The following UBE2G1 variants were observed in gnomAD, a reference collection of about 807,000 sequenced individuals.
UBE2G1 encodes the protein ubiquitin-conjugating enzyme E2 G1.
A neutral mutation model predicts 22.7 loss-of-function variants in UBE2G1; 5 were observed. The ratio of observed to expected loss-of-function variants is 0.22; its 90% confidence interval spans 0.12 to 0.46. UBE2G1 has a LOEUF of 0.46. Among genes scored for constraint, UBE2G1 ranks in the 20% least tolerant of loss-of-function variants. The probability of loss-of-function intolerance (pLI) is 0.99; values close to 1 mark genes in which losing one functional copy is unlikely to be tolerated. For synonymous variants in UBE2G1, 74 were observed against 67.5 expected (o/e 1.10, Z -0.47); for missense variants, 88 against 203.9 (o/e 0.43, Z 3.46).
chr17:4,336,723 C>T (rs1406324004), intron 1 of UBE2G1, among the ~76,000 whole-genome samples: 1 of 152,056 alleles, frequency 6.6e-6, no homozygotes, highest in Non-Finnish European at 1.5e-5. Flanking sequence ...GGGGAGGTTT[C>T]ATCATTTTGG....
In UBE2G1 at chr17:4,272,348, T is replaced by C. The variant is rs568248586; in HGVS notation, c.*206A>G. On this transcript the variant is annotated 3_prime_UTR_variant, in exon 6 of 6. Transcript: ENST00000396981. ...TAAAACAGTTCATTAGAATTCAAAA[T>C]GCGTAATCATCTGTAAGTTGGCACT... The C allele has an allele frequency of 3.3e-5, 6 of 181,680 alleles. No homozygotes were observed. Among genetic ancestry groups the C allele is most frequent in the Middle Eastern group, 3.2e-3 (1 of 316 alleles). The allele number at this position is 181,680 out of a possible 1,614,324, so 11.3% of individuals were successfully genotyped here. A position where few individuals can be genotyped will look rare whatever the true frequency, so the allele number is the denominator to read the frequency against.
rs1192120004 is a variant in UBE2G1, at chr17:4,341,968, G to T, written c.46+24303C>A. On this transcript the variant is annotated intron_variant, in intron 1 of 5. Transcript: ENST00000396981. Reference sequence around the variant, plus strand: ...ACTTATCTGGCTTCTTAATGCCAGTGTGTCCCAAGACTTAGTCCTCAATCT... The same window carrying T: ...ACTTATCTGGCTTCTTAATGCCAGTTTGTCCCAAGACTTAGTCCTCAATCT... Among the ~76,000 whole-genome samples, 4 of 152,182 alleles carry T rather than the reference G, an allele frequency of 2.6e-5. No individual in the cohort carries two copies. The East Asian group carries it at 7.7e-4, about 29-fold the overall frequency.
At chr17:4,325,904 G>A (rs1969499954) in intron 1 of UBE2G1, among the ~76,000 whole-genome samples, 1 of 152,094 alleles carries the variant, frequency 6.6e-6, no homozygotes, top group South Asian at 2.1e-4. Context: ...TAGGGAAACT[G>A]GGTATCCATA....
chr17:4,305,100 A>T (rs2143728255), intron 2 of UBE2G1, among the ~76,000 whole-genome samples: 1 of 151,528 alleles, frequency 6.6e-6, no homozygotes, highest in African/African-American at 2.4e-5. Flanking sequence ...TTACAGGCAT[A>T]TGCCACCTCA....
chr17:4,305,613 C>G (rs146794465), intron 2 of UBE2G1, among the ~76,000 whole-genome samples: 1,787 of 152,334 alleles, frequency 0.012, 37 homozygotes, highest in African/African-American at 0.041. Flanking sequence ...GTAATTTTGG[C>G]TCACTGCAAC....
At chr17:4,298,900 G>GC (rs1199789867) in intron 2 of UBE2G1, among the ~76,000 whole-genome samples, 2 of 152,166 alleles carry the variant, frequency 1.3e-5, no homozygotes, top group African/African-American at 2.4e-5. Context: ...AAGCATGAGG[G>GC]CTTGAGGGAA....
At chr17:4,336,957 T>A (rs1336287934) in intron 1 of UBE2G1, among the ~76,000 whole-genome samples, 1 of 152,068 alleles carries the variant, frequency 6.6e-6, no homozygotes, top group Non-Finnish European at 1.5e-5. Flanking sequence ...ACCTCAAAAA[T>A]TTCAGGAAAG....
chr17:4,356,112 T>C (rs1969903554), intron 1 of UBE2G1, among the ~76,000 whole-genome samples: 1 of 146,594 alleles, frequency 6.8e-6, no homozygotes, highest in South Asian at 2.2e-4. Context: ...TCCCAGCACT[T>C]TGGGAGGCTG....
intron 1 of UBE2G1, among the ~76,000 whole-genome samples, chr17:4,358,881 GC>G (rs940093944): frequency 6.6e-6 from 1 of 152,082 alleles, no homozygotes; most frequent in Non-Finnish European, 1.5e-5. Context: ...AACCCAGGTG[GC>G]AAGAAGTTGC....
chr17:4,330,370 G>A (rs1969558613), intron 1 of UBE2G1, among the ~76,000 whole-genome samples: 6 of 152,062 alleles, frequency 3.9e-5, no homozygotes, highest in Admixed American at 2.0e-4. Context: ...TTTGATTTTA[G>A]GAATGGGAAA....
At chr17:4,274,457 A>G (rs1276938682) in intron 5 of UBE2G1, among the ~76,000 whole-genome samples, 1 of 152,004 alleles carries the variant, frequency 6.6e-6, no homozygotes, top group Admixed American at 6.5e-5. Flanking sequence ...TCGGCCTCCC[A>G]AAGTGCTGGG....
chr17:4,339,459 C>A (rs1969686360), intron 1 of UBE2G1, among the ~76,000 whole-genome samples: 1 of 152,122 alleles, frequency 6.6e-6, no homozygotes, highest in Non-Finnish European at 1.5e-5. Context: ...CACCCACGAC[C>A]ACGATCGGCT....
At chr17:4,297,222 C>T (rs1276271629) in intron 2 of UBE2G1, among the ~76,000 whole-genome samples, 4 of 152,192 alleles carry the variant, frequency 2.6e-5, no homozygotes, top group Non-Finnish European at 5.9e-5. Context: ...AACCCTTTCT[C>T]ATCTCAAAAC....
In UBE2G1 at chr17:4,296,760, T is replaced by C; in HGVS notation, c.204A>G (p.Arg68=). 4 of 1,613,820 alleles carry C rather than the reference T, an allele frequency of 2.5e-6. No homozygotes were observed. The highest frequency in any genetic ancestry group is 3.4e-6 in the Non-Finnish European group (4 of 1,179,926). Residue 68 remains arginine (R), a synonymous_variant, in exon 3 of 6, where the codon CGA becomes CGG. Transcript: ENST00000396981. ...CTGTAATGAATTTCATTTTAGGAGG[T>C]CGGAGGGGATAATCTTTTGGGAAAG... ...HLTFPKDYPL[R]PPKMKFITEI...
At chr17:4,357,416 T>A (rs148994862) in intron 1 of UBE2G1, among the ~76,000 whole-genome samples, 2 of 148,384 alleles carry the variant, frequency 1.3e-5, no homozygotes, top group African/African-American at 5.0e-5. Flanking sequence ...GTTTCAGGCA[T>A]CCCCTGGAGG....
chr17:4,301,372 G>T, intron 2 of UBE2G1: 1 of 541,316 alleles, frequency 1.8e-6, no homozygotes, highest in Admixed American at 2.5e-5. Flanking sequence ...GAGAAAGCAT[G>T]GGTGCTGCTG....
chr17:4,361,940 C>T (rs7211833), intron 1 of UBE2G1, among the ~76,000 whole-genome samples: 51,798 of 137,376 alleles, frequency 0.38, 9,751 homozygotes, highest in African/African-American at 0.5. Flanking sequence ...CCAGCCTGGG[C>T]GACAGAGCAA....
chr17:4,302,117 C>G (rs1281584187), intron 2 of UBE2G1: 1 of 525,860 alleles, frequency 1.9e-6, no homozygotes, highest in Non-Finnish European at 3.9e-6. Flanking sequence ...TATTTATCAT[C>G]TGTGTCTGCT....
chr17:4,278,815 T>G (rs1400977267), intron 5 of UBE2G1, among the ~76,000 whole-genome samples: 2 of 152,220 alleles, frequency 1.3e-5, no homozygotes, highest in African/African-American at 4.8e-5. Flanking sequence ...TAAGGAGATC[T>G]GAAAGCACAT....
Sources: gnomAD v4.1 joint callset for allele counts (sites outside exome capture counted in the v4.1 genomes callset) on GRCh38, gnomAD v4.1.1 for gene constraint, MANE v1.5 for transcripts, NCBI Gene and HGNC (gene_info 2026-07-23, HGNC 2026-07-21) for gene names.